ADK: variants seen among roughly 807,000 people sequenced by gnomAD.
The protein encoded by ADK is N6,N6-dimethyladenosine kinase.
Under a neutral mutation model 44.7 loss-of-function variants are expected in ADK, and 24 were observed. The observed-to-expected ratio is 0.54, with a 90% CI of 0.39 to 0.76. ADK has a LOEUF of 0.76. Ranked by LOEUF, ADK falls within the 30% of genes least tolerant of loss-of-function variation. The pLI is 0.00. For synonymous variants in ADK, 128 were observed against 142.6 expected, an observed-to-expected ratio of 0.90 and a Z score of 0.73; for missense variants, 321 against 425.1, an observed-to-expected ratio of 0.76 and a Z score of 2.15.
chr10:74,563,970 G>C (rs1273561480), intron 7 of ADK, among the ~76,000 whole-genome samples: 1 of 151,912 alleles, frequency 6.6e-6, no homozygotes, highest in African/African-American at 2.4e-5. Flanking sequence ...GTATACATGT[G>C]CCATGCTGGT....
intron 9 of ADK, among the ~76,000 whole-genome samples, chr10:74,661,773 T>C (rs1010692761): frequency 1.3e-5 from 2 of 152,234 alleles, no homozygotes; most frequent in African/African-American, 4.8e-5. Context: ...TAAACTATAT[T>C]GTTCTTTCCC....
chr10:74,342,177 T>G (rs1458256625), intron 4 of ADK, among the ~76,000 whole-genome samples: 1 of 152,160 alleles, frequency 6.6e-6, no homozygotes, highest in African/African-American at 2.4e-5. Flanking sequence ...ATTTACACAA[T>G]GAGTATAGCT....
chr10:74,460,747 CCT>C (rs1846149651), intron 6 of ADK, among the ~76,000 whole-genome samples: 1 of 152,058 alleles, frequency 6.6e-6, no homozygotes, highest in African/African-American at 2.4e-5. Context: ...TTGTTTGTGT[CCT>C]CTCCTCTGAA....
intron 3 of ADK, among the ~76,000 whole-genome samples, chr10:74,233,889 A>G (rs1844869672): frequency 6.6e-6 from 1 of 152,170 alleles, no homozygotes; most frequent in East Asian, 1.9e-4. Flanking sequence ...TTTCCTAGAA[A>G]CTTTATTCAG....
At chr10:74,441,937 T>TC (rs1388952288) in intron 6 of ADK, among the ~76,000 whole-genome samples, 5 of 152,074 alleles carry the variant, frequency 3.3e-5, no homozygotes, top group African/African-American at 1.2e-4. Flanking sequence ...ATGACCCAGG[T>TC]ATATGAAAAC....
intron 6 of ADK, among the ~76,000 whole-genome samples, chr10:74,460,164 C>T (rs150602875): frequency 2.0e-5 from 3 of 152,136 alleles, no homozygotes; most frequent in Admixed American, 6.5e-5. Flanking sequence ...TGCTATTGAG[C>T]GTGCTTTGAG....
intron 2 of ADK, among the ~76,000 whole-genome samples, chr10:74,212,528 C>T (rs966981428): frequency 7.9e-5 from 12 of 152,096 alleles, no homozygotes; most frequent in African/African-American, 2.7e-4. Flanking sequence ...TATGGAAGCT[C>T]AGTTTCCTTG....
intron 6 of ADK, among the ~76,000 whole-genome samples, chr10:74,444,091 A>C (rs547594130): frequency 6.6e-6 from 1 of 152,222 alleles, no homozygotes; most frequent in Admixed American, 6.5e-5. Context: ...CAACTGGCCT[A>C]CCTGTTCAGA....
chr10:74,465,523 A>T (rs1846320880), intron 6 of ADK, among the ~76,000 whole-genome samples: 1 of 152,184 alleles, frequency 6.6e-6, no homozygotes, highest in Non-Finnish European at 1.5e-5. Context: ...TCTCACTGTT[A>T]TATGGACAAA....
chr10:74,677,965 C>CAAAAAAAA lies in ADK; in HGVS notation c.964+7716_964+7723dup, dbSNP rs3037448. Among the ~76,000 whole-genome samples the CAAAAAAAA allele has an allele frequency of 3.5e-4, 15 of 43,072 alleles. 4 individuals carry two copies. Among genetic ancestry groups the CAAAAAAAA allele is most frequent in the African/African-American group, 1.4e-3 (14 of 10,286 alleles). The allele number at this position is 43,072 out of a possible 152,430, so 28.3% of individuals were successfully genotyped here. A position where few individuals can be genotyped will look rare whatever the true frequency, so the allele number is the denominator to read the frequency against. On this transcript the variant is annotated intron_variant, in intron 10 of 10. Transcript: ENST00000539909. ...CAGCACAGTGAGACCCCAGTCTCTA[C>CAAAAAAAA]AAAAAAAAAAAAAAAAAAAAAAAAA...
intron 1 of ADK, among the ~76,000 whole-genome samples, chr10:74,197,681 G>A (rs896468217): frequency 9.0e-5 from 12 of 133,190 alleles, no homozygotes; most frequent in Non-Finnish European, 1.5e-4. Flanking sequence ...CTGGGTGACA[G>A]AGAGAGACTC....
intron 9 of ADK, among the ~76,000 whole-genome samples, chr10:74,658,820 A>G (rs963538501): frequency 6.6e-6 from 1 of 152,146 alleles, no homozygotes; most frequent in African/African-American, 2.4e-5. Context: ...GTAAGATTAA[A>G]GTGATATGCT....
At chr10:74,409,374 G>T (rs2132939870) in intron 6 of ADK, among the ~76,000 whole-genome samples, 1 of 152,236 alleles carries the variant, frequency 6.6e-6, no homozygotes, top group South Asian at 2.1e-4. Flanking sequence ...TCAGTACCTT[G>T]TGACTTACCC....
At chr10:74,541,803 C>CCG (rs1462786573) in intron 7 of ADK, among the ~76,000 whole-genome samples, 7 of 138,930 alleles carry the variant, frequency 5.0e-5, no homozygotes, top group Non-Finnish European at 1.1e-4. Flanking sequence ...CACCCCCCCC[C>CCG]CCTAAAAAAA....
At chr10:74,176,687 G>T in intron 1 of ADK, 1 of 1,444,072 alleles carries the variant, frequency 6.9e-7, no homozygotes. Context: ...CGGAGCGCCC[G>T]CCTTCCCTCC....
chr10:74,322,152 G>A (rs1239824232), intron 4 of ADK, among the ~76,000 whole-genome samples: 3 of 152,142 alleles, frequency 2.0e-5, no homozygotes, highest in Non-Finnish European at 2.9e-5. Context: ...GCTAGTTAGA[G>A]GTTAAAAGGT....
chr10:74,388,140 C>T (rs1843208172), intron 4 of ADK, among the ~76,000 whole-genome samples: 1 of 152,192 alleles, frequency 6.6e-6, no homozygotes, highest in African/African-American at 2.4e-5. Context: ...CTCCCAACCT[C>T]AGGTGATCTG....
In ADK at chr10:74,265,151, C is replaced by T. The variant is rs190594991; in HGVS notation, c.194+40560C>T. Among the ~76,000 whole-genome samples, 71 of 151,948 alleles carry T rather than the reference C, an allele frequency of 4.7e-4. 3 individuals are homozygous for T. In the East Asian group the frequency reaches 0.013, roughly 28 times the overall value. ...TAACAGTGATAATTTAGGTCCAAGC[C>T]CTCTTCCCAAAATTGATTTAGCTGA... On this transcript the variant is annotated intron_variant, in intron 3 of 10. Coordinates refer to ENST00000539909, the MANE Select transcript of ADK (RefSeq NM_006721.4).
At chr10:74,350,261 C>T (rs1043912577) in intron 4 of ADK, among the ~76,000 whole-genome samples, 4 of 152,190 alleles carry the variant, frequency 2.6e-5, no homozygotes, top group African/African-American at 9.7e-5. Flanking sequence ...GATTAAGAAA[C>T]TCACTCAAAA....
Sources: allele counts gnomAD v4.1 joint callset (sites outside exome capture counted in the v4.1 genomes callset), GRCh38; gene constraint gnomAD v4.1.1; transcripts MANE v1.5; gene names NCBI Gene and HGNC (gene_info 2026-07-23, HGNC 2026-07-21).